ABHD2: variants seen among roughly 807,000 people sequenced by gnomAD.
ABHD2 encodes the protein abhydrolase domain containing 2, acylglycerol lipase, also known as monoacylglycerol lipase ABHD2.
ABHD2 carries 20 observed loss-of-function variants against 48.1 expected under a neutral mutation model. The ratio of observed to expected loss-of-function variants is 0.42; its 90% CI spans 0.29 to 0.60. The LOEUF (loss-of-function observed/expected upper bound fraction) is 0.60. ABHD2 is among the 20% of genes least tolerant of loss of function. ABHD2 has a pLI of 0.24. For missense variants in ABHD2, 405 were observed against 550.9 expected (o/e 0.74, Z 2.65); for synonymous variants, 209 against 214.2 (o/e 0.98, Z 0.21).
chr15:89,166,439 G>A lies in ABHD2; in HGVS notation c.539-9373G>A, dbSNP rs2050839589. On this transcript the variant is annotated intron_variant, in intron 5 of 10. Coordinates refer to ENST00000352732, the MANE Select transcript of ABHD2 (RefSeq NM_152924.5). This position sits in a 1 kb window ranked among gnomAD's most constrained non-coding sequence, Gnocchi z 4.6. The stretch of plus-strand genomic sequence containing the variant: ...TCACAGCATTGAATTCTCTTGCTGG[G>A]AGGAGGAAATCTTTAATGTCCAACT... 6.6e-6 allele frequency among the ~76,000 whole-genome samples: 1 copy of A among 152,206 alleles called. No individual in the cohort carries two copies. Among genetic ancestry groups the A allele is most frequent in the East Asian group, 1.9e-4 (1 of 5,200 alleles).
chr15:89,110,309 G>T (rs924444732), intron 1 of ABHD2, among the ~76,000 whole-genome samples: 4 of 152,082 alleles, frequency 2.6e-5, no homozygotes, highest in African/African-American at 9.7e-5. Context: ...TGATCCGCCC[G>T]CCTCGGCCTG....
At chr15:89,077,595 T>C in the ABHD2 span, among the ~76,000 whole-genome samples, 1 of 152,200 alleles carries the variant, frequency 6.6e-6, no homozygotes, top group African/African-American at 2.4e-5. Flanking sequence ...TTTCTTAATC[T>C]GTAAAACAGG....
rs2049713173 is a variant in ABHD2 at position 89,102,292 on chromosome 15, G to C, written c.-106-11433G>C. 1 of 152,154 alleles carries C rather than the reference G, an allele frequency of 6.6e-6. No individual in the cohort carries two copies. The highest frequency in any genetic ancestry group is 1.5e-5 in the Non-Finnish European group (1 of 68,052). The allele number at this position is 152,154 out of a possible 1,614,324, so 9.4% of individuals were successfully genotyped here. A position where few individuals can be genotyped will look rare whatever the true frequency, so the allele number is the denominator to read the frequency against. ...TGTTTGAACTCCTCTAGTATTTATA[G>C]TTGGTACTTCAGAGTTTAGTACTTC... On this transcript the variant is annotated intron_variant, in intron 1 of 10. Transcript: ENST00000352732. The surrounding 1 kb of genome is among the most constrained non-coding windows in gnomAD (Gnocchi z 4.8).
intron 3 of ABHD2, among the ~76,000 whole-genome samples, chr15:89,140,738 G>A (rs565145706): frequency 8.7e-4 from 132 of 152,238 alleles, no homozygotes; most frequent in African/African-American, 2.9e-3. Flanking sequence ...TCTCTCCTGC[G>A]AGAGAGAGCA....
Position 89,196,938 on chromosome 15 carries a change from C to G in ABHD2, c.*1515C>G, listed in dbSNP as rs1596173046. The G allele has an allele frequency of 6.6e-6, 1 of 152,654 alleles. No homozygotes were observed. The highest frequency in any genetic ancestry group is 1.9e-4 in the East Asian group (1 of 5,190). 9.5% of individuals were successfully genotyped at this position (152,654 alleles called of 1,614,324 possible). ...TGTTGCTATCTGGAACTAAACAGAACTATGAGTAAAATTGCCTGGATACTT... is the reference window on the plus strand; with the variant it reads ...TGTTGCTATCTGGAACTAAACAGAAGTATGAGTAAAATTGCCTGGATACTT... On this transcript the variant is annotated 3_prime_UTR_variant, in exon 11 of 11. Transcript: ENST00000352732.
intron 3 of ABHD2, among the ~76,000 whole-genome samples, chr15:89,142,106 A>G (rs1466040321): frequency 1.3e-5 from 2 of 152,206 alleles, no homozygotes; most frequent in African/African-American, 2.4e-5. Flanking sequence ...CCAAGGCCCC[A>G]GTTGAAGTCT....
chr15:89,131,499 A>G (rs1231686798), intron 3 of ABHD2, among the ~76,000 whole-genome samples: 1 of 152,160 alleles, frequency 6.6e-6, no homozygotes, highest in Non-Finnish European at 1.5e-5. Context: ...AAGCCCTTCC[A>G]GAGGGGAACA....
chr15:89,139,653 C>T (rs1387646269), intron 3 of ABHD2, among the ~76,000 whole-genome samples: 1 of 152,224 alleles, frequency 6.6e-6, no homozygotes, highest in Non-Finnish European at 1.5e-5. Flanking sequence ...GTTGGGCATC[C>T]TCAGTCCATG....
Position 89,170,323 on chromosome 15 carries a change from C to T in ABHD2, c.539-5489C>T, listed in dbSNP as rs534419486. ...TGTTGGCCAGGCTGGTCTTGAACTC[C>T]TGAACTCAAATGATCCACCCGCCTC... On this transcript the variant is annotated intron_variant, in intron 5 of 10. Transcript: ENST00000352732. 2.0e-5 allele frequency among the ~76,000 whole-genome samples: 3 copies of T among 151,918 alleles called. No homozygotes were observed. The East Asian group carries it at 5.8e-4, about 30-fold the overall frequency.
the ABHD2 span, among the ~76,000 whole-genome samples, chr15:89,059,573 T>G: frequency 6.6e-6 from 1 of 152,128 alleles, no homozygotes; most frequent in Admixed American, 6.5e-5. Flanking sequence ...TCTTGAACCA[T>G]GAATTGGAGA....
rs1384114906 is a variant in ABHD2, at chr15:89,104,696, G to A, written c.-106-9029G>A. ...CCTGCCTTAGGGAGTTAGATGGGTT[G>A]AGTGGTTCTTCAGGCAACGGTTGTG... is the stretch of plus-strand genomic sequence containing the variant. On this transcript the variant is annotated intron_variant, in intron 1 of 10. Transcript: ENST00000352732. This position sits in a 1 kb window ranked among gnomAD's most constrained non-coding sequence, Gnocchi z 4.4. Among the ~76,000 whole-genome samples, 1 of 152,242 alleles carries A rather than the reference G, an allele frequency of 6.6e-6. No individual in the cohort carries two copies. Among genetic ancestry groups the A allele is most frequent in the Non-Finnish European group, 1.5e-5 (1 of 68,050 alleles).
At position 89,146,573 on chromosome 15, in the gene ABHD2, C is replaced by T. The variant is rs939507785; in HGVS notation, c.195-5104C>T. On this transcript the variant is annotated intron_variant, in intron 3 of 10. Coordinates refer to ENST00000352732, the MANE Select transcript of ABHD2 (RefSeq NM_152924.5). This position sits in a 1 kb window ranked among gnomAD's most constrained non-coding sequence, Gnocchi z 4.2. ...TTGTTAGTAACAAACATTTATTAAC[C>T]GCTGGCCACGGCACAACATTGGCCA... is the stretch of plus-strand genomic sequence containing the variant. Among the ~76,000 whole-genome samples, 3 of 151,960 alleles carry T rather than the reference C, an allele frequency of 2.0e-5. No individual in the cohort carries two copies. Among genetic ancestry groups the T allele is most frequent in the Non-Finnish European group, 4.4e-5 (3 of 67,994 alleles).
In ABHD2 at chr15:89,155,649, T is replaced by C. The variant is rs2050661118; in HGVS notation, c.538+115T>C. ...ACCTATGCCCATCTGCAAGAGATGGTAGGTCACACGGTTATATCAACAGCC... is the reference window on the plus strand; with the variant it reads ...ACCTATGCCCATCTGCAAGAGATGGCAGGTCACACGGTTATATCAACAGCC... On this transcript the variant is annotated intron_variant, in intron 5 of 10. Coordinates refer to ENST00000352732, the MANE Select transcript of ABHD2 (RefSeq NM_152924.5). The surrounding 1 kb of genome is among the most constrained non-coding windows in gnomAD (Gnocchi z 4.9). 2 of 1,309,980 alleles carry C rather than the reference T, an allele frequency of 1.5e-6. No individual in the cohort carries two copies. The highest frequency in any genetic ancestry group is 2.4e-5 in the East Asian group (1 of 42,540). The allele number at this position is 1,309,980 out of a possible 1,614,324, so 81.1% of individuals were successfully genotyped here. A position where few individuals can be genotyped will look rare whatever the true frequency, so the allele number is the denominator to read the frequency against.
At chr15:89,145,117 G>A (rs138871833) in intron 3 of ABHD2, among the ~76,000 whole-genome samples, 8,459 of 152,220 alleles carry the variant, frequency 0.056, 832 homozygotes, top group African/African-American at 0.19. Flanking sequence ...TTAGCCAGGC[G>A]TGGTGGCAGG....
intron 8 of ABHD2, 28 bp from the exon 9 acceptor site, chr15:89,191,052 C>A: frequency 6.2e-7 from 1 of 1,609,426 alleles, no homozygotes; most frequent in Admixed American, 1.7e-5. Context: ...TGTCCTTTTT[C>A]TTTTTTTCTT....
chr15:89,096,780 G>C (rs974401159), intron 1 of ABHD2, among the ~76,000 whole-genome samples: 1 of 152,212 alleles, frequency 6.6e-6, no homozygotes, highest in African/African-American at 2.4e-5. Context: ...CAGGGGAGCA[G>C]GTACAAGTCA....
chr15:89,118,988 G>T (rs2050005730), intron 3 of ABHD2, among the ~76,000 whole-genome samples: 1 of 152,074 alleles, frequency 6.6e-6, no homozygotes, highest in Non-Finnish European at 1.5e-5. Flanking sequence ...GGACCTCGTG[G>T]CTGTGTTTAG....
rs1375522427 is a variant in ABHD2, at chr15:89,091,946, A to G, written c.-107+3383A>G. Among the ~76,000 whole-genome samples, 3 of 152,230 alleles carry G rather than the reference A, an allele frequency of 2.0e-5. No individual in the cohort carries two copies. Among genetic ancestry groups the G allele is most frequent in the African/African-American group, 7.2e-5 (3 of 41,452 alleles). ...AATGTGTCTGGTGTCAGGATTTTAT[A>G]GCAGCTTTTCATGGTTCAGCCTTTT... On this transcript the variant is annotated intron_variant, in intron 1 of 10. Transcript: ENST00000352732. This position sits in a 1 kb window ranked among gnomAD's most constrained non-coding sequence, Gnocchi z 5.5.
At chr15:89,141,138 A>T (rs1255077054) in intron 3 of ABHD2, among the ~76,000 whole-genome samples, 2 of 151,812 alleles carry the variant, frequency 1.3e-5, no homozygotes, top group Non-Finnish European at 2.9e-5. Flanking sequence ...CCAGCTAATT[A>T]ATTAATTAAT....
Sources: allele counts gnomAD v4.1 joint callset (sites outside exome capture counted in the v4.1 genomes callset), GRCh38; gene constraint gnomAD v4.1.1; non-coding constraint Gnocchi (gnomAD v3.1); transcripts MANE v1.5; gene names NCBI Gene and HGNC (gene_info 2026-07-23, HGNC 2026-07-21).